NDRG3: variants seen among roughly 807,000 people sequenced by gnomAD.
The protein encoded by NDRG3 is protein NDRG3.
A neutral mutation model predicts 57.2 loss-of-function variants in NDRG3; 23 were observed. The ratio of observed to expected loss-of-function variants is 0.40; its 90% CI spans 0.29 to 0.57. The LOEUF (loss-of-function observed/expected upper bound fraction) is 0.57, where lower values mean the gene tolerates loss of function less well. Among genes scored for constraint, NDRG3 ranks in the 20% least tolerant of loss-of-function variants. The pLI, the probability that NDRG3 is intolerant of heterozygous loss-of-function variation, is 0.42. For synonymous variants in NDRG3, 132 were observed against 162.6 expected (o/e 0.81, Z 1.43); for missense variants, 384 against 457.3 (o/e 0.84, Z 1.46).
chr20:36,666,198 C>G (rs1979617842), intron 10 of NDRG3, 91 bp downstream of exon 10: 1 of 952,240 alleles, frequency 1.1e-6, no homozygotes, highest in African/African-American at 1.6e-5. Flanking sequence ...GAAGCTGGTC[C>G]CAAGATTAGA....
intron 1 of NDRG3, among the ~76,000 whole-genome samples, chr20:36,728,123 G>A (rs1355659700): frequency 1.3e-5 from 2 of 150,354 alleles, no homozygotes; most frequent in East Asian, 2.0e-4. Flanking sequence ...GCACGATCTC[G>A]GCTCACTGCA....
intron 3 of NDRG3, among the ~76,000 whole-genome samples, chr20:36,705,731 T>C (rs1399129524): frequency 6.6e-6 from 1 of 152,012 alleles, no homozygotes; most frequent in Admixed American, 6.6e-5. Context: ...CTTACTCCCA[T>C]GTTTTCTTTT....
At chr20:36,693,105 AATATATATATATATATATATAT>A (rs1290033865) in intron 3 of NDRG3, among the ~76,000 whole-genome samples, 27 of 25,856 alleles carry the variant, frequency 1.0e-3, no homozygotes, top group African/African-American at 2.9e-3. Flanking sequence ...AAAAAAAAAA[AATATATATATATATATATATAT>A]ATATATATAT....
intron 3 of NDRG3, among the ~76,000 whole-genome samples, chr20:36,702,874 G>C (rs866224591): frequency 6.6e-6 from 1 of 151,874 alleles, no homozygotes; most frequent in African/African-American, 2.4e-5. Flanking sequence ...AATAGAGACG[G>C]GGTTTCTCCA....
intron 1 of NDRG3, among the ~76,000 whole-genome samples, chr20:36,735,970 CAAAA>C (rs576981000): frequency 1.2e-4 from 6 of 50,966 alleles, no homozygotes; most frequent in East Asian, 5.7e-4. Context: ...GGCCCTGTCT[CAAAA>C]AAAAAAAAAA....
At chr20:36,713,884 G>C (rs1262515922) in intron 2 of NDRG3, among the ~76,000 whole-genome samples, 1 of 152,072 alleles carries the variant, frequency 6.6e-6, no homozygotes, top group Non-Finnish European at 1.5e-5. Context: ...AAAGCTTTTA[G>C]AAATAAGCTG....
intron 3 of NDRG3, among the ~76,000 whole-genome samples, chr20:36,702,605 A>G (rs1983307130): frequency 6.7e-6 from 1 of 148,594 alleles, no homozygotes; most frequent in South Asian, 2.1e-4. Context: ...CTCACTGCAC[A>G]CTCTGCCTCC....
intron 8 of NDRG3, among the ~76,000 whole-genome samples, chr20:36,676,704 C>G (rs981263785): frequency 6.6e-6 from 1 of 152,234 alleles, no homozygotes; most frequent in South Asian, 2.1e-4. Context: ...CTCAGGTGAT[C>G]CACTCACCTC....
intron 1 of NDRG3, among the ~76,000 whole-genome samples, chr20:36,744,913 C>T (rs1458644553): frequency 1.3e-5 from 2 of 149,810 alleles, no homozygotes. Flanking sequence ...TCAGCCCAGT[C>T]CTGCTCTCTT....
chr20:36,726,574 G>A (rs1984947454), intron 1 of NDRG3, among the ~76,000 whole-genome samples: 1 of 152,152 alleles, frequency 6.6e-6, no homozygotes, highest in African/African-American at 2.4e-5. Context: ...TGCACAGACG[G>A]GCTCCCTCCT....
intron 9 of NDRG3, chr20:36,668,792 TTATA>T (rs775358033): frequency 6.6e-6 from 1 of 151,218 alleles, no homozygotes; most frequent in African/African-American, 2.4e-5. Flanking sequence ...ATATACATAG[TTATA>T]TATAGAGAGA....
Position 36,684,417 on chromosome 20 carries a change from G to GTAC in NDRG3, c.378_379insGTA (p.His126_Leu127insVal), listed in dbSNP as rs756857546. 1 of 1,613,606 alleles carries GTAC rather than the reference G, an allele frequency of 6.2e-7. No homozygotes were observed. Among genetic ancestry groups the GTAC allele is most frequent in the Non-Finnish European group, 8.5e-7 (1 of 1,179,550 alleles). On this transcript the variant is annotated inframe_insertion, in exon 6 of 16. Coordinates refer to ENST00000349004, the MANE Select transcript of NDRG3 (RefSeq NM_032013.4). ...AAGACTGCAGAATGAACCTACCTTA[G>GTAC]GTGGGTAAGAACAGGAGGCAGCATT...
chr20:36,722,005 G>A (rs1600954085), intron 1 of NDRG3, among the ~76,000 whole-genome samples: 1 of 152,150 alleles, frequency 6.6e-6, no homozygotes, highest in African/African-American at 2.4e-5. Context: ...GTGAGTGTGC[G>A]CAGGGCCTGT....
intron 7 of NDRG3, 55 bp downstream of exon 7, chr20:36,682,463 G>T: frequency 7.0e-7 from 1 of 1,419,248 alleles, no homozygotes; most frequent in Non-Finnish European, 9.9e-7. Flanking sequence ...AGCAGTAATA[G>T]CTGTGACCCA....
intron 1 of NDRG3, among the ~76,000 whole-genome samples, chr20:36,736,626 G>A (rs953291358): frequency 2.0e-5 from 3 of 152,220 alleles, no homozygotes; most frequent in East Asian, 1.9e-4. Context: ...AAGTGTCTAC[G>A]GTAATGGATG....
rs149329501 is a variant in NDRG3 at position 36,692,275 on chromosome 20, G to A, written c.94-3491C>T. ...TACTCTATCGCCCGCCCAGGCTGGA[G>A]TGCAGTGGCACGATCTCAGCTCACT... On this transcript the variant is annotated intron_variant, in intron 3 of 15. Coordinates refer to ENST00000349004, the MANE Select transcript of NDRG3 (RefSeq NM_032013.4). Among the ~76,000 whole-genome samples the A allele has an allele frequency of 1.4e-4, 22 of 152,284 alleles. 1 individual carries two copies. In the East Asian group the frequency reaches 4.1e-3, roughly 28 times the overall value.
At chr20:36,695,413 C>T (rs569315922) in intron 3 of NDRG3, among the ~76,000 whole-genome samples, 321 of 152,302 alleles carry the variant, frequency 2.1e-3, no homozygotes, top group African/African-American at 7.3e-3. Context: ...AGGACAGAGC[C>T]ATATTTCTCT....
chr20:36,712,477 C>T (rs1983951112), intron 2 of NDRG3, among the ~76,000 whole-genome samples: 1 of 134,836 alleles, frequency 7.4e-6, no homozygotes, highest in African/African-American at 2.8e-5. Context: ...CTCACTGCAG[C>T]ATTGACCTCC....
chr20:36,728,854 T>C (rs1051717149), intron 1 of NDRG3, among the ~76,000 whole-genome samples: 2 of 152,128 alleles, frequency 1.3e-5, no homozygotes, highest in Admixed American at 6.5e-5. Context: ...ATCTCCCAAG[T>C]AGCTGGGACT....
Sources: allele counts gnomAD v4.1 joint callset (sites outside exome capture counted in the v4.1 genomes callset), GRCh38; gene constraint gnomAD v4.1.1; transcripts MANE v1.5; gene names NCBI Gene and HGNC (gene_info 2026-07-23, HGNC 2026-07-21).